Variants in KTN1 observed in about 807,000 individuals in gnomAD.
KTN1 encodes kinectin 1, also known as kinectin.
A neutral mutation model predicts 222.5 loss-of-function variants in KTN1; 130 were observed. That is an observed-to-expected ratio of 0.58 (90% CI 0.51 to 0.68). The LOEUF (loss-of-function observed/expected upper bound fraction) is 0.68. KTN1 is among the 30% of genes least tolerant of loss of function. The pLI is 0.00. For synonymous variants in KTN1, 512 were observed against 496.3 expected, an observed-to-expected ratio of 1.03 and a Z score of -0.42; for missense variants, 1,508 against 1,500.4, an observed-to-expected ratio of 1.01 and a Z score of -0.08.
At chr14:55,680,562 C>G in intron 43 of KTN1, 1 of 539,510 alleles carries the variant, frequency 1.9e-6, no homozygotes. Flanking sequence ...CTGAATTATC[C>G]CTTTCAGAAC....
chr14:55,616,660 A>G lies in KTN1; in HGVS notation c.661+6A>G, dbSNP rs778216038. The G allele has an allele frequency of 2.8e-5, 45 of 1,579,892 alleles. No homozygotes were observed. The highest frequency in any genetic ancestry group is 3.4e-4 in the Middle Eastern group (2 of 5,878). ...GAAACAAAAGACAGAAAATGGTGAG[A>G]TGTTTAGATATGTATTTTTATAATG... On this transcript the variant is annotated splice_donor_region_variant and intron_variant, in intron 3 of 43. Transcript: ENST00000395314.
intron 1 of KTN1, among the ~76,000 whole-genome samples, chr14:55,608,998 G>A (rs555264805): frequency 6.6e-6 from 1 of 151,774 alleles, no homozygotes; most frequent in East Asian, 1.9e-4. Context: ...GGGATTGTTG[G>A]GTTAAAGGAA....
intron 43 of KTN1, 80 bp downstream of exon 43, chr14:55,679,765 C>CA (rs1401426429): frequency 1.5e-6 from 2 of 1,363,664 alleles, no homozygotes; most frequent in Non-Finnish European, 2.1e-6. Flanking sequence ...TAAATAAACT[C>CA]ACTTCACTAG....
chr14:55,607,014 G>T (rs9972180), intron 1 of KTN1, among the ~76,000 whole-genome samples: 12,170 of 152,228 alleles, frequency 0.08, 533 homozygotes, highest in South Asian at 0.11. Context: ...TATATAGACA[G>T]TGTGGTGTGT....
At chr14:55,616,465 C>T (rs374227783) in intron 2 of KTN1, 52 bp from the exon 3 acceptor site, 197 of 1,472,046 alleles carry the variant, frequency 1.3e-4, no homozygotes, top group Middle Eastern at 7.2e-4. Context: ...GCATCTTTTC[C>T]GTTATGTTCA....
At chr14:55,671,392 C>T in intron 35 of KTN1, 174 bp from the exon 36 acceptor site, 1 of 566,256 alleles carries the variant, frequency 1.8e-6, no homozygotes, top group Non-Finnish European at 3.1e-6. Context: ...TAAAAATGAC[C>T]AAAAGGGTTA....
At chr14:55,676,686 T>A (rs937701858) in intron 41 of KTN1, among the ~76,000 whole-genome samples, 13 of 152,234 alleles carry the variant, frequency 8.5e-5, no homozygotes, top group African/African-American at 2.9e-4. Context: ...CTGTCTAACA[T>A]TTAAATATTT....
At chr14:55,673,463 A>G (rs976069278) in intron 40 of KTN1, 22 of 375,280 alleles carry the variant, frequency 5.9e-5, no homozygotes, top group African/African-American at 1.5e-4. Flanking sequence ...TTAGCTCCTA[A>G]CAATGGCATG....
At chr14:55,631,945 T>C (rs1344531693) in intron 7 of KTN1, among the ~76,000 whole-genome samples, 1 of 152,200 alleles carries the variant, frequency 6.6e-6, no homozygotes. Flanking sequence ...TGGTAAAATA[T>C]TGCTTTGATA....
intron 29 of KTN1, among the ~76,000 whole-genome samples, 195 bp from the exon 30 acceptor site, chr14:55,658,350 TG>T (rs2043730379): frequency 6.6e-6 from 1 of 152,208 alleles, no homozygotes; most frequent in African/African-American, 2.4e-5. Flanking sequence ...CATTGAGACA[TG>T]CAAACTCCGC....
intron 1 of KTN1, among the ~76,000 whole-genome samples, chr14:55,590,745 G>C (rs932848617): frequency 1.3e-5 from 2 of 150,598 alleles, no homozygotes; most frequent in East Asian, 3.9e-4. Context: ...GCGCGATCTT[G>C]GCTGACTGCA....
At chr14:55,640,896 G>C (rs751827249) in intron 15 of KTN1, 37 bp from the exon 16 acceptor site, 3 of 1,583,204 alleles carry the variant, frequency 1.9e-6, no homozygotes, top group Admixed American at 1.7e-5. Context: ...AGCACTTCCT[G>C]TGAAGTGATA....
At chr14:55,624,119 C>CA (rs1259182818) in intron 5 of KTN1, among the ~76,000 whole-genome samples, 2 of 152,180 alleles carry the variant, frequency 1.3e-5, no homozygotes, top group African/African-American at 4.8e-5. Flanking sequence ...CTTGGTTTCT[C>CA]ATGGGGCGGT....
intron 1 of KTN1, among the ~76,000 whole-genome samples, chr14:55,600,717 T>A (rs764016251): frequency 6.6e-6 from 1 of 151,740 alleles, no homozygotes; most frequent in Non-Finnish European, 1.5e-5. Flanking sequence ...ACGGTATGAA[T>A]TTCATGTTGT....
At chr14:55,608,357 T>A (rs1320920490) in intron 1 of KTN1, among the ~76,000 whole-genome samples, 1 of 152,164 alleles carries the variant, frequency 6.6e-6, no homozygotes, top group African/African-American at 2.4e-5. Context: ...GAATTTATCA[T>A]AAACAAAGTT....
chr14:55,655,193 G>A (rs139927706), intron 28 of KTN1, among the ~76,000 whole-genome samples: 1 of 152,114 alleles, frequency 6.6e-6, no homozygotes, highest in East Asian at 1.9e-4. Flanking sequence ...TGCCCAGGCT[G>A]GTCTTGATCT....
chr14:55,611,474 A>G (rs1215931685), intron 1 of KTN1, among the ~76,000 whole-genome samples: 3 of 152,054 alleles, frequency 2.0e-5, no homozygotes, highest in African/African-American at 4.8e-5. Flanking sequence ...TATATCCTTG[A>G]TAGATCCCAC....
rs958642908 is a variant in KTN1, at chr14:55,671,663, A to G, written c.3438+8A>G. The G allele has an allele frequency of 4.6e-5, 73 of 1,597,904 alleles. No individual in the cohort carries two copies. Among genetic ancestry groups the G allele is most frequent in the Non-Finnish European group, 6.0e-5 (70 of 1,167,462 alleles). On this transcript the variant is annotated splice_region_variant and intron_variant, in intron 36 of 43. Coordinates refer to ENST00000395314, the MANE Select transcript of KTN1 (RefSeq NM_001079521.2). ...TCCGTCCTTGCAGAAACAGTAGGAAATGATTTTTAATCTACATTTTGATTT... is the reference window on the plus strand; with the variant it reads ...TCCGTCCTTGCAGAAACAGTAGGAAGTGATTTTTAATCTACATTTTGATTT...
intron 29 of KTN1, 52 bp downstream of exon 29, chr14:55,656,184 G>T: frequency 1.6e-6 from 2 of 1,279,064 alleles, no homozygotes; most frequent in Non-Finnish European, 1.1e-6. Flanking sequence ...GTCTTTGCAT[G>T]CTTTAAAATA....
Sources: gnomAD v4.1 joint callset for allele counts (sites outside exome capture counted in the v4.1 genomes callset) on GRCh38, gnomAD v4.1.1 for gene constraint, MANE v1.5 for transcripts, NCBI Gene and HGNC (gene_info 2026-07-23, HGNC 2026-07-21) for gene names.